The following TENM3 variants were observed in gnomAD, a reference collection of about 807,000 sequenced individuals.
The protein encoded by TENM3 is teneurin transmembrane protein 3.
Under a neutral mutation model 255.1 loss-of-function variants are expected in TENM3, and 63 were observed. The ratio of observed to expected loss-of-function variants is 0.25; its 90% CI spans 0.20 to 0.30. The LOEUF is 0.30. Among genes scored for constraint, TENM3 ranks in the 10% least tolerant of loss-of-function variants. TENM3 has a pLI of 1.00. For synonymous variants in TENM3, 1,306 were observed against 1,322.3 expected (o/e 0.99, Z 0.27); for missense variants, 2,929 against 3,461.1 (o/e 0.85, Z 3.86).
At chr4:182,291,355 G>A (rs1761111434) in intron 1 of TENM3, among the ~76,000 whole-genome samples, 1 of 152,138 alleles carries the variant, frequency 6.6e-6, no homozygotes, top group Non-Finnish European at 1.5e-5. Context: ...GAGGCCAGGA[G>A]ACAAAGCATG....
chr4:181,599,329 A>G, the TENM3 span, among the ~76,000 whole-genome samples: 1 of 152,238 alleles, frequency 6.6e-6, no homozygotes, highest in Non-Finnish European at 1.5e-5. Context: ...CACTGTAATT[A>G]TAAATGCCAC....
the TENM3 span, among the ~76,000 whole-genome samples, chr4:181,974,601 C>T: frequency 7.9e-5 from 12 of 151,962 alleles, no homozygotes; most frequent in African/African-American, 2.9e-4. Flanking sequence ...CAATGTGGCA[C>T]AAGCTGAATG....
At chr4:181,920,356 T>A in the TENM3 span, among the ~76,000 whole-genome samples, 3 of 151,822 alleles carry the variant, frequency 2.0e-5, no homozygotes, top group Admixed American at 2.0e-4. Flanking sequence ...ACCAACAGTG[T>A]AAAAGTGTTC....
intron 3 of TENM3, among the ~76,000 whole-genome samples, chr4:182,455,575 T>A (rs1773808267): frequency 6.9e-6 from 1 of 145,118 alleles, no homozygotes; most frequent in African/African-American, 2.6e-5. Flanking sequence ...TTTTTTTTTT[T>A]TTTTGAGACC....
intron 1 of TENM3, among the ~76,000 whole-genome samples, chr4:182,320,991 A>G (rs1188479873): frequency 2.6e-5 from 4 of 152,236 alleles, no homozygotes; most frequent in African/African-American, 9.6e-5. Context: ...TTTAAAATAG[A>G]TGTCAATTTA....
At position 182,449,318 on chromosome 4, in the gene TENM3, A is replaced by C. The variant is rs1282669432; in HGVS notation, c.511+102389A>C. Among the ~76,000 whole-genome samples, 3 of 150,672 alleles carry C rather than the reference A, an allele frequency of 2.0e-5. No individual in the cohort carries two copies. The South Asian group carries it at 6.3e-4, about 32-fold the overall frequency. ...GGAGGCAACATTCGCATCTGAGATG[A>C]GGTGGCTTTTTAACCCCTGAGGGAC... On this transcript the variant is annotated intron_variant, in intron 3 of 27. Transcript: ENST00000511685.
chr4:182,642,013 A>C (rs1015305368), intron 5 of TENM3, among the ~76,000 whole-genome samples: 6 of 152,238 alleles, frequency 3.9e-5, no homozygotes, highest in Non-Finnish European at 8.8e-5. Flanking sequence ...TTTGGGAAGC[A>C]GGGAATAACC....
chr4:181,919,675 G>C, the TENM3 span, among the ~76,000 whole-genome samples: 1 of 151,910 alleles, frequency 6.6e-6, no homozygotes, highest in African/African-American at 2.4e-5. Context: ...ACAATCGATC[G>C]GCATGAGGGA....
the TENM3 span, among the ~76,000 whole-genome samples, chr4:182,115,707 T>A: frequency 0.011 from 1,692 of 152,294 alleles, 14 homozygotes; most frequent in Non-Finnish European, 0.018. Context: ...AGCCACTGCT[T>A]GGCAGCAATG....
chr4:182,660,726 T>G (rs772461429), intron 6 of TENM3, among the ~76,000 whole-genome samples: 5 of 152,256 alleles, frequency 3.3e-5, no homozygotes, highest in Non-Finnish European at 5.9e-5. Flanking sequence ...TTTTAATGCA[T>G]AGAATTTATT....
the TENM3 span, among the ~76,000 whole-genome samples, chr4:182,099,261 G>A: frequency 6.6e-6 from 1 of 151,886 alleles, no homozygotes; most frequent in Non-Finnish European, 1.5e-5. Context: ...GCCATGCCCG[G>A]CCATATGTGC....
chr4:181,952,024 T>C, the TENM3 span, among the ~76,000 whole-genome samples: 1 of 152,242 alleles, frequency 6.6e-6, no homozygotes, highest in African/African-American at 2.4e-5. Flanking sequence ...TATTGTATGG[T>C]ATTATAGTCA....
At chr4:181,872,382 T>C in the TENM3 span, among the ~76,000 whole-genome samples, 3 of 151,958 alleles carry the variant, frequency 2.0e-5, no homozygotes, top group Non-Finnish European at 4.4e-5. Flanking sequence ...GGTAAACTTG[T>C]GTCATGAGGG....
intron 3 of TENM3, among the ~76,000 whole-genome samples, chr4:182,405,046 C>T (rs1769465833): frequency 6.6e-6 from 1 of 152,274 alleles, no homozygotes; most frequent in African/African-American, 2.4e-5. Flanking sequence ...CTTGCACTAG[C>T]TTCTTACCTG....
At chr4:182,619,163 C>A (rs994610454) in intron 4 of TENM3, among the ~76,000 whole-genome samples, 1 of 152,040 alleles carries the variant, frequency 6.6e-6, no homozygotes, top group Non-Finnish European at 1.5e-5. Flanking sequence ...TGTGGTGGCT[C>A]ACACCTGTAA....
At chr4:182,040,807 T>G in the TENM3 span, among the ~76,000 whole-genome samples, 2 of 152,190 alleles carry the variant, frequency 1.3e-5, no homozygotes, top group South Asian at 2.1e-4. Flanking sequence ...TCCATGGTTT[T>G]TTGTTGTTGT....
Position 182,802,569 on chromosome 4 carries a change from G to C in TENM3, c.*2218G>C, listed in dbSNP as rs1767049139. 6.6e-6 allele frequency: 1 copy of C among 152,596 alleles called. No individual in the cohort carries two copies. Among genetic ancestry groups the C allele is most frequent in the Non-Finnish European group, 1.5e-5 (1 of 68,038 alleles). The allele number at this position is 152,596 out of a possible 1,614,324, so 9.5% of individuals were successfully genotyped here. A position where few individuals can be genotyped will look rare whatever the true frequency, so the allele number is the denominator to read the frequency against. On this transcript the variant is annotated 3_prime_UTR_variant, in exon 28 of 28. Coordinates refer to ENST00000511685, the MANE Select transcript of TENM3 (RefSeq NM_001080477.4). ...GAGATCATAGTCTTAACCTCTTCTTGACGTGGACTGGTCTTCACTCGGGCA... is the reference window on the plus strand; with the variant it reads ...GAGATCATAGTCTTAACCTCTTCTTCACGTGGACTGGTCTTCACTCGGGCA...
rs141755826 is a variant in TENM3, at chr4:182,735,296, C to T, written c.2968-1512C>T. Among the ~76,000 whole-genome samples the T allele has an allele frequency of 7.2e-5, 11 of 152,264 alleles. No homozygotes were observed. The East Asian group carries it at 2.1e-3, about 29-fold the overall frequency. On this transcript the variant is annotated intron_variant, in intron 16 of 27. Coordinates refer to ENST00000511685, the MANE Select transcript of TENM3 (RefSeq NM_001080477.4). ...ATGCCTCTTACTGTACTGTACTGTA[C>T]CACATCGCGTCCCTCTTCATGCCAA... is the stretch of plus-strand genomic sequence containing the variant.
At chr4:181,978,806 G>C in the TENM3 span, among the ~76,000 whole-genome samples, 1 of 151,390 alleles carries the variant, frequency 6.6e-6, no homozygotes, top group Non-Finnish European at 1.5e-5. Flanking sequence ...CTGAAACTTA[G>C]GAACGTATGA....
Sources: gnomAD v4.1 joint callset for allele counts (sites outside exome capture counted in the v4.1 genomes callset) on GRCh38, gnomAD v4.1.1 for gene constraint, MANE v1.5 for transcripts, NCBI Gene and HGNC (gene_info 2026-07-23, HGNC 2026-07-21) for gene names.